Variants in PCDHA3 observed in about 807,000 individuals in gnomAD.
PCDHA3 encodes the protein protocadherin alpha 3.
A neutral mutation model predicts 62.2 loss-of-function variants in PCDHA3; 41 were observed. The observed-to-expected ratio is 0.66, with a 90% confidence interval of 0.51 to 0.86. The LOEUF is 0.86. Among genes scored for constraint, PCDHA3 ranks in the 40% least tolerant of loss-of-function variants. The pLI, the probability that PCDHA3 is intolerant of heterozygous loss-of-function variation, is 0.00. For synonymous variants in PCDHA3, 640 were observed against 555.4 expected, an observed-to-expected ratio of 1.15 and a Z score of -2.14; for missense variants, 1,304 against 1,241.2, an observed-to-expected ratio of 1.05 and a Z score of -0.76.
At chr5:140,819,040 G>A (rs2150103019) in intron 1 of PCDHA3, among the ~76,000 whole-genome samples, 129 of 152,194 alleles carry the variant, frequency 8.5e-4, no homozygotes, top group Non-Finnish European at 1.5e-3. Context: ...TTCCCTTATA[G>A]GGCAGTTATA....
intron 1 of PCDHA3, chr5:140,828,447 T>G: frequency 6.2e-7 from 1 of 1,614,248 alleles, no homozygotes; most frequent in Non-Finnish European, 8.5e-7. Context: ...GTTTTCCATG[T>G]GGACGTGGAG....
At chr5:140,993,577 T>A (rs1215999612) in intron 3 of PCDHA3, among the ~76,000 whole-genome samples, 1 of 151,978 alleles carries the variant, frequency 6.6e-6, no homozygotes, top group African/African-American at 2.4e-5. Flanking sequence ...CTAGGGATGC[T>A]TTTCTTGGCT....
intron 1 of PCDHA3, among the ~76,000 whole-genome samples, chr5:140,937,927 A>T (rs1376744977): frequency 1.3e-5 from 2 of 149,332 alleles, no homozygotes; most frequent in East Asian, 2.0e-4. Context: ...AAAAAAAAAA[A>T]GTTTAATTTG....
At chr5:140,915,446 GT>G (rs2077122918) in intron 1 of PCDHA3, among the ~76,000 whole-genome samples, 1 of 152,184 alleles carries the variant, frequency 6.6e-6, no homozygotes, top group African/African-American at 2.4e-5. Flanking sequence ...TCTTGAGAAG[GT>G]TTTCCAGAAG....
rs2150362585 is a variant in PCDHA3 at position 140,843,552 on chromosome 5, C to T, written c.2394+39961C>T. On this transcript the variant is annotated intron_variant, in intron 1 of 3. Transcript: ENST00000522353. ...AAGCCCACTCTGGTGTGCTCCAGTG[C>T]GGTGGGGAGCTGGTCATACTCGCAA... 5.0e-6 allele frequency: 8 copies of T among 1,595,800 alleles called. 2 individuals carry two copies. The highest frequency in any genetic ancestry group is 1.1e-5 in the South Asian group (1 of 90,490).
intron 1 of PCDHA3, chr5:140,871,232 T>C: frequency 6.2e-7 from 1 of 1,613,948 alleles, no homozygotes; most frequent in South Asian, 1.1e-5. Flanking sequence ...TCCAGCCTCC[T>C]GGTACTCACG....
At chr5:140,821,010 C>T (rs1020612182) in intron 1 of PCDHA3, among the ~76,000 whole-genome samples, 1 of 151,734 alleles carries the variant, frequency 6.6e-6, no homozygotes, top group African/African-American at 2.4e-5. Context: ...AGGTTTTCAT[C>T]GATTTGAAAA....
At chr5:140,867,461 T>C (rs1197194209) in intron 1 of PCDHA3, 1 of 152,126 alleles carries the variant, frequency 6.6e-6, no homozygotes, top group African/African-American at 2.4e-5. Context: ...TCTAGTGTTA[T>C]GACAACATTG....
rs2150283763 is a variant in PCDHA3 at position 140,838,077 on chromosome 5, AGTGTGTGTGTGTGTGTGT to A, written c.2394+34523_2394+34540del. On this transcript the variant is annotated intron_variant, in intron 1 of 3. Coordinates refer to ENST00000522353, the MANE Select transcript of PCDHA3 (RefSeq NM_018906.3). ...TTTCCACTTTAAGTTATATATATAT[AGTGTGTGTGTGTGTGTGT>A]GTGTGTGTGTGTGTGTGTGTGTGTG... Among the ~76,000 whole-genome samples the A allele has an allele frequency of 8.8e-4, 71 of 80,700 alleles. No individual in the cohort carries two copies. The South Asian group carries it at 0.01, about 12-fold the overall frequency. The allele number at this position is 80,700 out of a possible 152,430, so 52.9% of individuals were successfully genotyped here. A position where few individuals can be genotyped will look rare whatever the true frequency, so the allele number is the denominator to read the frequency against.
rs539900578 is a variant in PCDHA3, at chr5:140,868,861, T to C, written c.2394+65270T>C. Reference sequence around the variant, plus strand: ...ACACGTGAAATTCTGTGGTGGTAAATGCAGTGCACAGTACTCACAGTTTTA... The same window carrying C: ...ACACGTGAAATTCTGTGGTGGTAAACGCAGTGCACAGTACTCACAGTTTTA... On this transcript the variant is annotated intron_variant, in intron 1 of 3. Coordinates refer to ENST00000522353, the MANE Select transcript of PCDHA3 (RefSeq NM_018906.3). 7 of 525,402 alleles carry C rather than the reference T, an allele frequency of 1.3e-5. No homozygotes were observed. In the Admixed American group the frequency reaches 2.2e-4, roughly 17 times the overall value. 32.5% of individuals were successfully genotyped at this position (525,402 alleles called of 1,614,324 possible). A position where few individuals can be genotyped will look rare whatever the true frequency, so the allele number is the denominator to read the frequency against.
At chr5:140,992,078 G>A (rs1179366244) in intron 3 of PCDHA3, among the ~76,000 whole-genome samples, 1 of 151,596 alleles carries the variant, frequency 6.6e-6, no homozygotes, top group African/African-American at 2.4e-5. Context: ...TAGAGAATGA[G>A]CTAGAGTAGA....
intron 1 of PCDHA3, among the ~76,000 whole-genome samples, chr5:140,962,590 C>T (rs2095694493): frequency 6.6e-6 from 1 of 152,144 alleles, no homozygotes; most frequent in African/African-American, 2.4e-5. Context: ...AAATATTTGA[C>T]TGATATATTT....
chr5:140,848,400 G>T, intron 1 of PCDHA3: 1 of 1,298,514 alleles, frequency 7.7e-7, no homozygotes. Context: ...TGTGCTGAAC[G>T]ATGGCGAACA....
In PCDHA3 at chr5:140,945,865, A is replaced by T. The variant is rs184952981; in HGVS notation, c.2395-33084A>T. ...ATTAAAGACTTAAACATAGACCTGAAATTGTAAAACTAACAAAGAAAACAC... is the reference window on the plus strand; with the variant it reads ...ATTAAAGACTTAAACATAGACCTGATATTGTAAAACTAACAAAGAAAACAC... On this transcript the variant is annotated intron_variant, in intron 1 of 3. Coordinates refer to ENST00000522353, the MANE Select transcript of PCDHA3 (RefSeq NM_018906.3). Among the ~76,000 whole-genome samples, 23 of 152,290 alleles carry T rather than the reference A, an allele frequency of 1.5e-4. No individual in the cohort carries two copies. The East Asian group carries it at 4.2e-3, about 28-fold the overall frequency.
intron 1 of PCDHA3, chr5:140,927,454 G>A: frequency 6.2e-7 from 1 of 1,614,182 alleles, no homozygotes; most frequent in Non-Finnish European, 8.5e-7. Flanking sequence ...GTTGGTGTTG[G>A]AGAAAGCACT....
At chr5:140,803,643 A>C (rs181372274) in intron 1 of PCDHA3, 52 bp downstream of exon 1, 30 of 1,613,254 alleles carry the variant, frequency 1.9e-5, no homozygotes, top group Admixed American at 1.7e-4. Context: ...TTCATTCCTC[A>C]ATGTTTCCAC....
intron 1 of PCDHA3, among the ~76,000 whole-genome samples, chr5:140,936,741 C>T (rs1234099505): frequency 3.3e-5 from 5 of 152,138 alleles, no homozygotes; most frequent in African/African-American, 1.2e-4. Flanking sequence ...AGTAACTTTT[C>T]ATTTGTATTG....
chr5:140,850,776 G>A (rs2150497794), intron 1 of PCDHA3: 1 of 1,598,166 alleles, frequency 6.3e-7, no homozygotes, highest in South Asian at 1.1e-5. Context: ...GGTGTGCTCT[G>A]GCGAGGGTAA....
intron 1 of PCDHA3, chr5:140,850,196 A>T: frequency 6.3e-7 from 1 of 1,592,830 alleles, no homozygotes; most frequent in Non-Finnish European, 8.6e-7. Flanking sequence ...CGCTGCTGAC[A>T]CCTCGGATGA....
Sources: allele counts gnomAD v4.1 joint callset (sites outside exome capture counted in the v4.1 genomes callset), GRCh38; gene constraint gnomAD v4.1.1; transcripts MANE v1.5; gene names NCBI Gene and HGNC (gene_info 2026-07-23, HGNC 2026-07-21).